Variants in MTFR1 observed in about 807,000 individuals in gnomAD.
The protein encoded by MTFR1 is mitochondrial fission regulator 1, also known as chondrocyte protein with a poly-proline region.
Under a neutral mutation model 38.8 loss-of-function variants are expected in MTFR1, and 28 were observed. The ratio of observed to expected loss-of-function variants is 0.72; its 90% CI spans 0.53 to 0.99. MTFR1 has a LOEUF of 0.99. Among genes scored for constraint, MTFR1 ranks in the 50% least tolerant of loss-of-function variants. MTFR1 has a pLI of 0.00. For synonymous variants in MTFR1, 145 were observed against 137.0 expected (o/e 1.06, Z -0.41); for missense variants, 358 against 395.5 (o/e 0.91, Z 0.81).
chr8:65,713,492 CA>C, downstream of MTFR1, among the ~76,000 whole-genome samples: 1 of 137,490 alleles, frequency 7.3e-6, no homozygotes, highest in African/African-American at 2.7e-5. Context: ...ACAAACAAAA[CA>C]AAAACAAAAA....
intron 1 of MTFR1, among the ~76,000 whole-genome samples, chr8:65,665,974 A>C (rs919149064): frequency 6.6e-6 from 1 of 152,240 alleles, no homozygotes; most frequent in African/African-American, 2.4e-5. Context: ...TAACTTGTTA[A>C]TACTTACCAT....
chr8:65,711,411 A>AAAT (rs1805941334), downstream of MTFR1, among the ~76,000 whole-genome samples: 1 of 152,228 alleles, frequency 6.6e-6, no homozygotes, highest in South Asian at 2.1e-4. Flanking sequence ...CCCCAGAAAT[A>AAAT]AATAGAAGTT....
intron 3 of MTFR1, among the ~76,000 whole-genome samples, chr8:65,732,266 T>C (rs1806925062): frequency 6.6e-6 from 1 of 152,174 alleles, no homozygotes; most frequent in Non-Finnish European, 1.5e-5. Flanking sequence ...CCCAAAATGC[T>C]GGGATTACAG....
chr8:65,679,229 A>G (rs530822902), intron 2 of MTFR1, among the ~76,000 whole-genome samples: 2 of 152,352 alleles, frequency 1.3e-5, no homozygotes, highest in East Asian at 3.9e-4. Context: ...GACTAAATAG[A>G]AGACTCAAGA....
At chr8:65,712,003 A>G (rs918146792), downstream of MTFR1, among the ~76,000 whole-genome samples, 10 of 152,220 alleles carry the variant, frequency 6.6e-5, no homozygotes, top group African/African-American at 2.4e-4. Context: ...CCATAACCCA[A>G]TTGGAAAAGC....
At chr8:65,733,522 T>C (rs1806993683) in intron 3 of MTFR1, among the ~76,000 whole-genome samples, 1 of 152,016 alleles carries the variant, frequency 6.6e-6, no homozygotes, top group Non-Finnish European at 1.5e-5. Context: ...TTTAAAAAAT[T>C]AGCTGGCCTC....
chr8:65,729,003 TA>T (rs145357915), intron 3 of MTFR1, among the ~76,000 whole-genome samples: 6 of 150,594 alleles, frequency 4.0e-5, no homozygotes, highest in African/African-American at 1.2e-4. Context: ...TTTCTGCTTG[TA>T]AAAAAAAACC....
chr8:65,664,854 C>T (rs528419303), intron 1 of MTFR1, among the ~76,000 whole-genome samples: 1 of 151,304 alleles, frequency 6.6e-6, no homozygotes, highest in South Asian at 2.1e-4. Context: ...TCCAAAAGTG[C>T]TGGGATTACA....
At chr8:65,735,331 C>T (rs1807081702) in intron 3 of MTFR1, among the ~76,000 whole-genome samples, 1 of 152,128 alleles carries the variant, frequency 6.6e-6, no homozygotes, top group Admixed American at 6.6e-5. Context: ...TTTTTTGAGA[C>T]AGGATCTCAC....
At chr8:65,736,430 GCATA>G (rs1315851389) in intron 3 of MTFR1, among the ~76,000 whole-genome samples, 1 of 152,120 alleles carries the variant, frequency 6.6e-6, no homozygotes, top group Non-Finnish European at 1.5e-5. Flanking sequence ...AGTATTTCAG[GCATA>G]CTACTTATAA....
At position 65,693,942 on chromosome 8, in the gene MTFR1, T is replaced by A. The variant is rs547688767; in HGVS notation, c.281+183T>A. 7.2e-5 allele frequency among the ~76,000 whole-genome samples: 11 copies of A among 152,184 alleles called. No homozygotes were observed. The East Asian group carries it at 1.9e-3, about 27-fold the overall frequency. On this transcript the variant is annotated intron_variant, in intron 4 of 7. Coordinates refer to ENST00000262146, the MANE Select transcript of MTFR1 (RefSeq NM_014637.4). Reference sequence around the variant, plus strand: ...TTCTGAGATTGGGTCTTGTTCTGTTTTTCAGGCTGGAGTGCAGTGGTGTGA... The same window carrying A: ...TTCTGAGATTGGGTCTTGTTCTGTTATTCAGGCTGGAGTGCAGTGGTGTGA...
At chr8:65,769,066 GGTGAAACCCC>G (rs1808942116) in intron 3 of MTFR1, among the ~76,000 whole-genome samples, 2 of 151,416 alleles carry the variant, frequency 1.3e-5, no homozygotes, top group African/African-American at 4.9e-5. Context: ...TGGCCAACAT[GGTGAAACCCC>G]GTCTCTACTA....
intron 2 of MTFR1, among the ~76,000 whole-genome samples, chr8:65,677,134 C>T (rs181543811): frequency 4.4e-4 from 58 of 132,350 alleles, no homozygotes; most frequent in Admixed American, 1.4e-3. Context: ...AGTGCAGTGG[C>T]GCGATCTTGC....
intron 4 of MTFR1, among the ~76,000 whole-genome samples, chr8:65,698,187 C>T (rs1382127322): frequency 6.9e-6 from 1 of 145,450 alleles, no homozygotes; most frequent in African/African-American, 2.5e-5. Context: ...CTGGCTCTGT[C>T]ACCCGGGCTG....
chr8:65,677,058 C>T (rs1804729027), intron 2 of MTFR1, among the ~76,000 whole-genome samples: 1 of 146,250 alleles, frequency 6.8e-6, no homozygotes, highest in Non-Finnish European at 1.5e-5. Context: ...TTCTGTTTAG[C>T]TATTTCTCTC....
intron 3 of MTFR1, among the ~76,000 whole-genome samples, chr8:65,729,262 G>A (rs1806735788): frequency 1.3e-5 from 2 of 151,524 alleles, no homozygotes; most frequent in South Asian, 4.2e-4. Flanking sequence ...ATTAAGTGGT[G>A]AGTTTTGCTG....
intron 1 of MTFR1, among the ~76,000 whole-genome samples, chr8:65,665,591 C>T (rs575382598): frequency 6.6e-6 from 1 of 152,338 alleles, no homozygotes; most frequent in South Asian, 2.1e-4. Flanking sequence ...TTTCTCTCAT[C>T]TCCAATCAAA....
intron 1 of MTFR1, among the ~76,000 whole-genome samples, chr8:65,655,970 C>CATATATATATATGTATATATAT (rs1563432914): frequency 1.9e-5 from 1 of 53,636 alleles, no homozygotes; most frequent in Non-Finnish European, 3.1e-5. Flanking sequence ...ATATATATAC[C>CATATATATATATGTATATATAT]ATATATATAT....
chr8:65,730,137 A>AACTGTGC (rs1806794713), intron 3 of MTFR1, among the ~76,000 whole-genome samples: 1 of 144,654 alleles, frequency 6.9e-6, no homozygotes, highest in African/African-American at 2.6e-5. Flanking sequence ...CCCTATTGTA[A>AACTGTGC]ACTGTGCATG....
Sources: allele counts gnomAD v4.1 joint callset (sites outside exome capture counted in the v4.1 genomes callset), GRCh38; gene constraint gnomAD v4.1.1; transcripts MANE v1.5; gene names NCBI Gene and HGNC (gene_info 2026-07-23, HGNC 2026-07-21).